Variants in KIAA1671 observed in about 807,000 individuals in gnomAD.
KIAA1671 encodes the protein uncharacterized protein KIAA1671.
In KIAA1671, 52 loss-of-function variants were observed where a neutral mutation model predicts 131.2. That is an observed-to-expected ratio of 0.40 (90% CI 0.32 to 0.50). The LOEUF is 0.50. Among genes scored for constraint, KIAA1671 ranks in the 20% least tolerant of loss-of-function variants. The probability of loss-of-function intolerance (pLI) is 0.73; values close to 1 mark genes in which losing one functional copy is unlikely to be tolerated. For synonymous variants in KIAA1671, 1,003 were observed against 961.6 expected, an observed-to-expected ratio of 1.04 and a Z score of -0.80; for missense variants, 2,360 against 2,364.2, an observed-to-expected ratio of 1.00 and a Z score of 0.04.
intron 1 of KIAA1671, among the ~76,000 whole-genome samples, chr22:24,999,281 C>T (rs986357389): frequency 6.6e-6 from 1 of 152,190 alleles, no homozygotes; most frequent in Non-Finnish European, 1.5e-5. Flanking sequence ...GTCACCTAGG[C>T]TGGAGTGCAC....
intron 6 of KIAA1671, chr22:25,064,516 G>A (rs994379655): frequency 6.6e-6 from 1 of 152,190 alleles, no homozygotes; most frequent in African/African-American, 2.4e-5. Flanking sequence ...CAGCTAGCAA[G>A]TGTGGGAATG....
chr22:24,963,666 T>C (rs2123801696), intron 1 of KIAA1671, among the ~76,000 whole-genome samples: 1 of 151,886 alleles, frequency 6.6e-6, no homozygotes, highest in South Asian at 2.1e-4. Context: ...ATAGGCCGGG[T>C]GCGGTGGCTC....
At chr22:25,147,286 A>T (rs1317261066) in intron 6 of KIAA1671, among the ~76,000 whole-genome samples, 3 of 151,622 alleles carry the variant, frequency 2.0e-5, no homozygotes, top group Non-Finnish European at 4.4e-5. Context: ...TCCACCTCCC[A>T]GGTTCAAGTG....
intron 6 of KIAA1671, among the ~76,000 whole-genome samples, chr22:25,109,441 G>A (rs756693546): frequency 3.3e-5 from 5 of 151,948 alleles, no homozygotes; most frequent in Non-Finnish European, 5.9e-5. Flanking sequence ...GTGAGCCACC[G>A]CGCCCGGCCC....
intron 6 of KIAA1671, among the ~76,000 whole-genome samples, chr22:25,093,099 T>C (rs1930101279): frequency 6.6e-6 from 1 of 152,230 alleles, no homozygotes; most frequent in African/African-American, 2.4e-5. Flanking sequence ...GAGCACTTAC[T>C]GTGTGCTAGG....
intron 6 of KIAA1671, among the ~76,000 whole-genome samples, chr22:25,134,862 G>A (rs1028460520): frequency 4.4e-4 from 67 of 152,154 alleles, no homozygotes; most frequent in African/African-American, 1.6e-3. Flanking sequence ...GTAAATTGAG[G>A]ATAATAATAT....
intron 1 of KIAA1671, among the ~76,000 whole-genome samples, chr22:24,960,313 G>A (rs1288461382): frequency 1.3e-5 from 2 of 151,228 alleles, no homozygotes; most frequent in African/African-American, 4.9e-5. Context: ...CACTTTAGGC[G>A]GCCGGGCGGA....
chr22:25,174,163 C>A, intron 7 of KIAA1671, 77 bp from the exon 8 acceptor site: 2 of 1,468,960 alleles, frequency 1.4e-6, no homozygotes, highest in South Asian at 1.3e-5. Flanking sequence ...ATGCTGCCTG[C>A]AGCATCCTTC....
At chr22:25,055,021 G>C (rs1166581308) in intron 6 of KIAA1671, 4 of 149,734 alleles carry the variant, frequency 2.7e-5, no homozygotes, top group African/African-American at 7.3e-5. Context: ...TTTACACTGA[G>C]CTCAGACTTT....
chr22:25,060,227 G>A (rs1928086733), intron 6 of KIAA1671: 1 of 152,180 alleles, frequency 6.6e-6, no homozygotes, highest in African/African-American at 2.4e-5. Flanking sequence ...CTGTTGCCAA[G>A]GCTAGAGTGC....
chr22:25,049,159 G>T lies in KIAA1671; in HGVS notation c.4396-71G>T, dbSNP rs1927398500. On this transcript the variant is annotated intron_variant, in intron 5 of 12. Coordinates refer to ENST00000358431, the MANE Select transcript of KIAA1671 (RefSeq NM_001145206.2). ...CCTTTTTGGTACAGAATGGACTCTT[G>T]GCATAATATATTTTTTCCTGTAAAT... 2.7e-6 allele frequency: 4 copies of T among 1,506,384 alleles called. No individual in the cohort carries two copies. In the East Asian group the frequency reaches 9.9e-5, roughly 37 times the overall value. The allele number at this position is 1,506,384 out of a possible 1,614,324, so 93.3% of individuals were successfully genotyped here. A position where few individuals can be genotyped will look rare whatever the true frequency, so the allele number is the denominator to read the frequency against.
intron 1 of KIAA1671, among the ~76,000 whole-genome samples, chr22:24,958,685 T>C (rs969060144): frequency 6.7e-6 from 1 of 148,316 alleles, no homozygotes; most frequent in Non-Finnish European, 1.5e-5. Flanking sequence ...AAAATTAGTC[T>C]GGCGGTCAGG....
chr22:25,103,935 C>T (rs184636857), intron 6 of KIAA1671, among the ~76,000 whole-genome samples: 5 of 152,250 alleles, frequency 3.3e-5, no homozygotes, highest in Admixed American at 2.0e-4. Flanking sequence ...CACAGTAAAT[C>T]CTCCATTAGT....
chr22:25,101,916 G>A (rs1025805545), intron 6 of KIAA1671, among the ~76,000 whole-genome samples: 2 of 152,212 alleles, frequency 1.3e-5, no homozygotes, highest in African/African-American at 4.8e-5. Context: ...TTCGGTAGGG[G>A]TTACATAGGC....
chr22:25,077,040 C>T (rs1439565450), intron 6 of KIAA1671, among the ~76,000 whole-genome samples: 1 of 152,204 alleles, frequency 6.6e-6, no homozygotes, highest in Non-Finnish European at 1.5e-5. Flanking sequence ...GGAGTCTGAT[C>T]TTCTGGTTTC....
intron 6 of KIAA1671, among the ~76,000 whole-genome samples, chr22:25,158,484 G>T (rs940955357): frequency 6.6e-6 from 1 of 152,280 alleles, no homozygotes; most frequent in Middle Eastern, 3.4e-3. Context: ...TTCTATGGGG[G>T]TCCTAAGAAC....
At chr22:25,175,108 G>A (rs763192251) in intron 8 of KIAA1671, 2 of 152,322 alleles carry the variant, frequency 1.3e-5, no homozygotes, top group African/African-American at 4.8e-5. Flanking sequence ...CAGGTCAAAC[G>A]GTCTCCTGCT....
intron 6 of KIAA1671, among the ~76,000 whole-genome samples, chr22:25,126,694 C>T (rs1170306545): frequency 6.6e-6 from 1 of 152,106 alleles, no homozygotes; most frequent in Non-Finnish European, 1.5e-5. Flanking sequence ...GGGAGAGAGA[C>T]CTGTGCAAGG....
At chr22:25,120,947 G>A (rs1272073253) in intron 6 of KIAA1671, among the ~76,000 whole-genome samples, 1 of 152,134 alleles carries the variant, frequency 6.6e-6, no homozygotes, top group Non-Finnish European at 1.5e-5. Flanking sequence ...GGATTTCTGA[G>A]AGGTCCCCGA....
Sources: gnomAD v4.1 joint callset for allele counts (sites outside exome capture counted in the v4.1 genomes callset) on GRCh38, gnomAD v4.1.1 for gene constraint, MANE v1.5 for transcripts, NCBI Gene and HGNC (gene_info 2026-07-23, HGNC 2026-07-21) for gene names.